Variants in FREM1 observed in about 807,000 individuals in gnomAD.
FREM1 encodes FRAS1 related extracellular matrix 1.
FREM1 carries 220 observed loss-of-function variants against 210.1 expected under a neutral mutation model. That is an observed-to-expected ratio of 1.05 (90% CI 0.94 to 1.17). FREM1 has a LOEUF of 1.17. FREM1 is among the 50% of genes most tolerant of loss of function. The pLI, the probability that FREM1 is intolerant of heterozygous loss-of-function variation, is 0.00. For missense variants in FREM1, 3,454 were observed against 2,675.5 expected (o/e 1.29, Z -6.42); for synonymous variants, 1,189 against 980.2 (o/e 1.21, Z -3.98).
intron 29 of FREM1, among the ~76,000 whole-genome samples, chr9:14,754,789 C>G (rs1843995413): frequency 6.6e-6 from 1 of 151,996 alleles, no homozygotes; most frequent in Admixed American, 6.6e-5. Flanking sequence ...AAAAAATTAG[C>G]CAGGTGTGGT....
chr9:14,902,480 C>A (rs958747998), intron 1 of FREM1, among the ~76,000 whole-genome samples: 3 of 152,184 alleles, frequency 2.0e-5, no homozygotes, highest in African/African-American at 7.2e-5. Flanking sequence ...AAGCAACTTA[C>A]AAAGCCACAG....
At chr9:14,772,285 T>C (rs986349293) in intron 25 of FREM1, among the ~76,000 whole-genome samples, 1 of 152,120 alleles carries the variant, frequency 6.6e-6, no homozygotes, top group African/African-American at 2.4e-5. Context: ...AATAGCAATT[T>C]ACAAAAGGAA....
Position 14,737,606 on chromosome 9 carries a change from C to G in FREM1, c.6341-11G>C, listed in dbSNP as rs1840626621. 1 of 1,504,674 alleles carries G rather than the reference C, an allele frequency of 6.6e-7. No individual in the cohort carries two copies. The highest frequency in any genetic ancestry group is 1.4e-5 in the South Asian group (1 of 73,492). 93.2% of individuals were successfully genotyped at this position (1,504,674 alleles called of 1,614,324 possible). On this transcript the variant is annotated splice_polypyrimidine_tract_variant and intron_variant, in intron 36 of 36. Transcript: ENST00000380880. Reference sequence around the variant, plus strand: ...CTTGGTCGTTCAAACCTAATGTGAACCAAAAGAATGTACCAATTACTTTTA... The same window carrying G: ...CTTGGTCGTTCAAACCTAATGTGAAGCAAAAGAATGTACCAATTACTTTTA...
intron 20 of FREM1, among the ~76,000 whole-genome samples, chr9:14,798,487 T>C (rs185113019): frequency 1.3e-5 from 2 of 152,070 alleles, no homozygotes; most frequent in Admixed American, 1.3e-4. Flanking sequence ...GTGACGCCTG[T>C]AGTCATAGCT....
At chr9:14,905,013 T>C (rs753459454) in intron 1 of FREM1, among the ~76,000 whole-genome samples, 2 of 152,174 alleles carry the variant, frequency 1.3e-5, no homozygotes, top group East Asian at 3.8e-4. Flanking sequence ...AAACCAGTTT[T>C]ATCTGCTCAC....
In FREM1 at chr9:14,859,193, G is replaced by GA. The variant is rs992970260; in HGVS notation, c.620dup (p.Glu209ArgfsTer30). 6 of 1,580,504 alleles carry GA rather than the reference G, an allele frequency of 3.8e-6. No individual in the cohort carries two copies. The African/African-American group carries it at 6.8e-5, about 18-fold the overall frequency. ...TAAAAGACATCATACGGGACTCTGG[G>GA]AAAAAACTGTGTGGCTGATCTCCAC... On this transcript the variant is annotated frameshift_variant, in exon 4 of 37. Transcript: ENST00000380880. LOFTEE classifies it high-confidence loss of function.
At chr9:14,821,011 T>A (rs1821199142) in intron 13 of FREM1, among the ~76,000 whole-genome samples, 1 of 152,148 alleles carries the variant, frequency 6.6e-6, no homozygotes, top group Admixed American at 6.5e-5. Context: ...TTAGGGCAAC[T>A]TTCAAAAAAA....
chr9:14,747,816 A>T, intron 31 of FREM1, 88 bp from the exon 32 acceptor site: 1 of 705,624 alleles, frequency 1.4e-6, no homozygotes, highest in Non-Finnish European at 2.3e-6. Flanking sequence ...GATCTTGCTA[A>T]TGTCTGAACA....
At chr9:14,873,263 C>T (rs1483869898) in intron 1 of FREM1, among the ~76,000 whole-genome samples, 1 of 152,232 alleles carries the variant, frequency 6.6e-6, no homozygotes, top group East Asian at 1.9e-4. Context: ...CCTCCTTGTA[C>T]CTCTGGTAGA....
chr9:14,872,884 G>A (rs1222998415), intron 1 of FREM1, among the ~76,000 whole-genome samples: 2 of 151,904 alleles, frequency 1.3e-5, no homozygotes, highest in Non-Finnish European at 2.9e-5. Flanking sequence ...ATGAAGGGCT[G>A]TTGAATTTTG....
intron 14 of FREM1, among the ~76,000 whole-genome samples, chr9:14,818,448 T>A (rs973359584): frequency 3.9e-5 from 6 of 152,232 alleles, no homozygotes; most frequent in African/African-American, 7.2e-5. Context: ...GAGCTAAGCA[T>A]CTGATGTATA....
intron 1 of FREM1, among the ~76,000 whole-genome samples, chr9:14,893,689 C>T (rs1312065783): frequency 1.3e-5 from 2 of 152,162 alleles, no homozygotes; most frequent in Non-Finnish European, 2.9e-5. Flanking sequence ...AACAGTTTGA[C>T]ATGTAAGCTG....
chr9:14,860,962 T>C (rs1411065332), intron 3 of FREM1, among the ~76,000 whole-genome samples: 3 of 95,574 alleles, frequency 3.1e-5, no homozygotes, highest in South Asian at 2.8e-4. Context: ...TACACATATA[T>C]ACACATATAT....
rs1359660797 is a variant in FREM1 at position 14,848,687 on chromosome 9, G to A, written c.1239C>T (p.Ala413=). Residue 413 remains alanine (A), a synonymous_variant, in exon 7 of 37, where the codon GCC becomes GCT. Transcript: ENST00000380880. ...TACCTGTATTCCAGGATACACGGGG[G>A]GCATTTGTATCTGCTGTTCTGATGG... ...HISIRTADTN[A]PRVSWNTGLS... The A allele has an allele frequency of 6.2e-7, 1 of 1,607,654 alleles. No individual in the cohort carries two copies. The highest frequency in any genetic ancestry group is 1.3e-5 in the African/African-American group (1 of 74,770).
At chr9:14,773,348 T>C (rs1251793615) in intron 25 of FREM1, among the ~76,000 whole-genome samples, 1 of 152,204 alleles carries the variant, frequency 6.6e-6, no homozygotes, top group Non-Finnish European at 1.5e-5. Context: ...ATTACTCAGG[T>C]ACCACCAGAA....
intron 2 of FREM1, among the ~76,000 whole-genome samples, chr9:14,864,830 T>A (rs1275015926): frequency 4.6e-5 from 7 of 152,202 alleles, no homozygotes; most frequent in African/African-American, 1.7e-4. Flanking sequence ...ACTTTACCAC[T>A]AATACAAACG....
intron 27 of FREM1, among the ~76,000 whole-genome samples, chr9:14,766,823 C>A (rs1333305011): frequency 6.6e-6 from 1 of 152,186 alleles, no homozygotes; most frequent in Non-Finnish European, 1.5e-5. Context: ...AGTTCCACAG[C>A]GTTTAGCTCA....
At position 14,859,095 on chromosome 9, in the gene FREM1, G is replaced by T. The variant is rs1829329619; in HGVS notation, c.631+88C>A. The T allele has an allele frequency of 4.5e-6, 5 of 1,104,398 alleles. No individual in the cohort carries two copies. The Admixed American group carries it at 8.4e-5, about 18-fold the overall frequency. The allele number at this position is 1,104,398 out of a possible 1,614,324, so 68.4% of individuals were successfully genotyped here. ...GCCAGCTAAAATGACTAGTTAACTA[G>T]AACTCTTCATCATGGTGGAAGGTGA... On this transcript the variant is annotated intron_variant, in intron 4 of 36. Coordinates refer to ENST00000380880, the MANE Select transcript of FREM1 (RefSeq NM_001379081.2).
At chr9:14,826,956 A>C (rs1284865392) in intron 10 of FREM1, among the ~76,000 whole-genome samples, 2 of 152,178 alleles carry the variant, frequency 1.3e-5, no homozygotes, top group Non-Finnish European at 2.9e-5. Flanking sequence ...TATTATTTAT[A>C]CATTACCCAG....
Sources: allele counts gnomAD v4.1 joint callset (sites outside exome capture counted in the v4.1 genomes callset), GRCh38; gene constraint gnomAD v4.1.1; transcripts MANE v1.5; gene names NCBI Gene and HGNC (gene_info 2026-07-23, HGNC 2026-07-21).